CEP120: variants seen among roughly 807,000 people sequenced by gnomAD.
CEP120 encodes centrosomal protein 120.
CEP120 carries 113 observed loss-of-function variants against 126.5 expected under a neutral mutation model. That is an observed-to-expected ratio of 0.89 (90% confidence interval 0.77 to 1.04). The LOEUF (loss-of-function observed/expected upper bound fraction) is 1.04, where lower values mean the gene tolerates loss of function less well. Among genes scored for constraint, CEP120 ranks in the 50% least tolerant of loss-of-function variants. The probability of loss-of-function intolerance (pLI) is 0.00; values close to 1 mark genes in which losing one functional copy is unlikely to be tolerated. For synonymous variants in CEP120, 400 were observed against 394.3 expected (o/e 1.01, Z -0.17); for missense variants, 1,230 against 1,155.7 (o/e 1.06, Z -0.93).
chr5:123,358,657 T>G (rs1184188091), intron 18 of CEP120, among the ~76,000 whole-genome samples: 1 of 151,354 alleles, frequency 6.6e-6, no homozygotes, highest in African/African-American at 2.4e-5. Context: ...CTTTAAATGC[T>G]TTGAATTTTT....
At chr5:123,381,623 T>C (rs1165752112) in intron 14 of CEP120, among the ~76,000 whole-genome samples, 2 of 152,126 alleles carry the variant, frequency 1.3e-5, no homozygotes, top group African/African-American at 2.4e-5. Context: ...TTCTTAAAAA[T>C]AGCTTAAACG....
At chr5:123,392,850 AT>A (rs1479657434) in intron 6 of CEP120, among the ~76,000 whole-genome samples, 7 of 152,160 alleles carry the variant, frequency 4.6e-5, no homozygotes, top group African/African-American at 1.7e-4. Flanking sequence ...AAAATAGTTC[AT>A]AAAAAATATT....
chr5:123,348,911 C>A (rs550465583), intron 19 of CEP120, among the ~76,000 whole-genome samples: 1 of 152,242 alleles, frequency 6.6e-6, no homozygotes, highest in African/African-American at 2.4e-5. Flanking sequence ...TCTTTGACTT[C>A]TAGCCTCTAG....
rs1406843118 is a variant in CEP120 at position 123,346,402 on chromosome 5, T to C, written c.*117A>G. 2.9e-6 allele frequency: 2 copies of C among 691,608 alleles called. No homozygotes were observed. Among genetic ancestry groups the C allele is most frequent in the East Asian group, 5.5e-5 (2 of 36,380 alleles). 42.8% of individuals were successfully genotyped at this position (691,608 alleles called of 1,614,324 possible). On this transcript the variant is annotated 3_prime_UTR_variant, in exon 20 of 20. Transcript: ENST00000306467. ...ATACTATACAATAACATACAAAATT[T>C]TGCTTATAAAAAATTGAAAATACCA...
rs184059888 is a variant in CEP120, at chr5:123,374,476, A to G, written c.2359-1704T>C. ...AAGGTACGAAGATGTTCTTTTTTGA[A>G]TGAGTTTTTTTTTAAATGCGAACAA... On this transcript the variant is annotated intron_variant, in intron 16 of 19. Coordinates refer to ENST00000306467, the MANE Select transcript of CEP120 (RefSeq NM_001375405.1). 4.2e-3 allele frequency among the ~76,000 whole-genome samples: 627 copies of G among 149,118 alleles called. 2 individuals carry two copies. Among genetic ancestry groups the G allele is most frequent in the African/African-American group, 6.3e-3 (260 of 41,248 alleles).
chr5:123,418,599 G>GTTTTT, intron 1 of CEP120, 84 bp from the exon 2 acceptor site: 3 of 866,006 alleles, frequency 3.5e-6, no homozygotes, highest in Non-Finnish European at 4.8e-6. Context: ...TGTTTGGCTG[G>GTTTTT]TTTTTTTTTT....
At chr5:123,391,628 T>G (rs1326889336) in intron 6 of CEP120, among the ~76,000 whole-genome samples, 2 of 152,186 alleles carry the variant, frequency 1.3e-5, no homozygotes, top group African/African-American at 4.8e-5. Flanking sequence ...TTTGGTGAGC[T>G]ACTTTAATAT....
intron 1 of CEP120, among the ~76,000 whole-genome samples, chr5:123,418,967 T>A (rs189807050): frequency 2.0e-5 from 3 of 152,306 alleles, no homozygotes; most frequent in Admixed American, 2.0e-4. Context: ...CAGGCTCACA[T>A]ATACACTCAC....
intron 19 of CEP120, 88 bp from the exon 20 acceptor site, chr5:123,346,841 A>G: frequency 1.0e-6 from 1 of 983,524 alleles, no homozygotes; most frequent in South Asian, 2.1e-5. Flanking sequence ...CAATGGTAAG[A>G]CAAGGTTTTA....
At chr5:123,397,893 G>A (rs1265518872) in intron 5 of CEP120, among the ~76,000 whole-genome samples, 1 of 152,196 alleles carries the variant, frequency 6.6e-6, no homozygotes, top group Non-Finnish European at 1.5e-5. Flanking sequence ...AGACCAGCCT[G>A]AGCAGCATAG....
chr5:123,415,186 CTAT>C (rs1203109550), intron 3 of CEP120, among the ~76,000 whole-genome samples: 1 of 151,862 alleles, frequency 6.6e-6, no homozygotes, highest in Admixed American at 6.6e-5. Context: ...AGCAGGGAGG[CTAT>C]TATGATAGCC....
intron 4 of CEP120, among the ~76,000 whole-genome samples, chr5:123,402,645 T>C (rs567202176): frequency 6.6e-6 from 1 of 152,310 alleles, no homozygotes; most frequent in Admixed American, 6.5e-5. Context: ...ACTCCTGGCC[T>C]CAAGTGATCC....
chr5:123,352,209 A>G (rs1242705897), intron 18 of CEP120, among the ~76,000 whole-genome samples: 1 of 152,080 alleles, frequency 6.6e-6, no homozygotes, highest in Non-Finnish European at 1.5e-5. Context: ...TATAAATTAC[A>G]ACTATTTCCC....
chr5:123,405,341 G>C (rs1424454750), intron 4 of CEP120, among the ~76,000 whole-genome samples: 2 of 152,314 alleles, frequency 1.3e-5, no homozygotes, highest in South Asian at 2.1e-4. Flanking sequence ...GCTCTACCAG[G>C]TCCTCACAGT....
chr5:123,351,867 G>C (rs985944718), intron 18 of CEP120, among the ~76,000 whole-genome samples: 8 of 152,100 alleles, frequency 5.3e-5, no homozygotes, highest in African/African-American at 1.9e-4. Flanking sequence ...TTTCCGATTA[G>C]GGATGTTCAA....
chr5:123,402,154 T>A, intron 4 of CEP120: 1 of 1,583,988 alleles, frequency 6.3e-7, no homozygotes, highest in Non-Finnish European at 8.7e-7. Flanking sequence ...GTGACCGCGG[T>A]GATGCCTCCC....
At chr5:123,356,786 T>C (rs1283973926) in intron 18 of CEP120, among the ~76,000 whole-genome samples, 1 of 152,146 alleles carries the variant, frequency 6.6e-6, no homozygotes, top group East Asian at 1.9e-4. Flanking sequence ...ACTATTTTTG[T>C]CATAAATTTT....
At chr5:123,410,068 T>C (rs997665638) in intron 4 of CEP120, among the ~76,000 whole-genome samples, 2 of 150,278 alleles carry the variant, frequency 1.3e-5, no homozygotes, top group African/African-American at 4.9e-5. Context: ...AGTCAACAGC[T>C]TTCTTATATG....
At chr5:123,411,206 C>T (rs547829970) in intron 4 of CEP120, among the ~76,000 whole-genome samples, 1 of 152,142 alleles carries the variant, frequency 6.6e-6, no homozygotes, top group Non-Finnish European at 1.5e-5. Context: ...TATGGAGCAA[C>T]AGAAATTCTC....
Sources: allele counts gnomAD v4.1 joint callset (sites outside exome capture counted in the v4.1 genomes callset), GRCh38; gene constraint gnomAD v4.1.1; transcripts MANE v1.5; gene names NCBI Gene and HGNC (gene_info 2026-07-23, HGNC 2026-07-21).